The following FANCA variants were observed in gnomAD, a reference collection of about 807,000 sequenced individuals.
The protein encoded by FANCA is FA complementation group A, also known as Fanconi anemia group A protein.
A neutral mutation model predicts 194.3 loss-of-function variants in FANCA; 236 were observed. The observed-to-expected ratio is 1.21, with a 90% confidence interval of 1.09 to 1.35. The LOEUF (loss-of-function observed/expected upper bound fraction) is 1.35, where lower values mean the gene tolerates loss of function less well. Ranked by LOEUF, FANCA falls within the 40% of genes most tolerant of loss-of-function variation. FANCA has a pLI of 0.00. For synonymous variants in FANCA, 1,014 were observed against 715.8 expected (o/e 1.42, Z -6.65); for missense variants, 2,628 against 1,813.9 (o/e 1.45, Z -8.15).
At chr16:89,782,181 C>CG (rs2039738011) in intron 17 of FANCA, among the ~76,000 whole-genome samples, 1 of 151,520 alleles carries the variant, frequency 6.6e-6, no homozygotes, top group Non-Finnish European at 1.5e-5. Context: ...CGAGATCATC[C>CG]TGGCTAACAC....
At chr16:89,755,940 C>CG (rs1213986151) in intron 30 of FANCA, among the ~76,000 whole-genome samples, 1 of 151,880 alleles carries the variant, frequency 6.6e-6, no homozygotes, top group Admixed American at 6.6e-5. Context: ...AGACCAGAGC[C>CG]CCCGCACACC....
intron 17 of FANCA, among the ~76,000 whole-genome samples, chr16:89,782,191 C>T (rs1372002146): frequency 2.0e-5 from 3 of 147,680 alleles, no homozygotes; most frequent in African/African-American, 7.5e-5. Flanking sequence ...CTGGCTAACA[C>T]GGTGAAACCT....
At chr16:89,759,968 G>A (rs2038896897) in intron 29 of FANCA, among the ~76,000 whole-genome samples, 1 of 151,518 alleles carries the variant, frequency 6.6e-6, no homozygotes, top group African/African-American at 2.4e-5. Flanking sequence ...CGGGACCGGG[G>A]TGCTCCACCC....
chr16:89,766,723 A>C (rs2039140908), intron 27 of FANCA, among the ~76,000 whole-genome samples: 1 of 152,156 alleles, frequency 6.6e-6, no homozygotes, highest in Non-Finnish European at 1.5e-5. Context: ...TCAAAAAAAA[A>C]AAAAAATTCC....
At chr16:89,741,426 T>C (rs960496577) in intron 37 of FANCA, among the ~76,000 whole-genome samples, 3 of 152,244 alleles carry the variant, frequency 2.0e-5, no homozygotes, top group African/African-American at 7.2e-5. Context: ...CGATCCAGCT[T>C]TGAGCTGGTG....
At chr16:89,775,507 G>T (rs1234096571) in intron 21 of FANCA, among the ~76,000 whole-genome samples, 1 of 152,230 alleles carries the variant, frequency 6.6e-6, no homozygotes, top group East Asian at 1.9e-4. Context: ...GCTGTGCACT[G>T]CACACACTCC....
intron 31 of FANCA, among the ~76,000 whole-genome samples, chr16:89,750,201 G>C (rs777670700): frequency 1.3e-5 from 2 of 152,204 alleles, no homozygotes; most frequent in Admixed American, 1.3e-4. Flanking sequence ...AGAAAAAACA[G>C]CTGGGCGTGG....
At chr16:89,764,866 G>A in intron 28 of FANCA, 24 bp downstream of exon 28, 1 of 1,611,252 alleles carries the variant, frequency 6.2e-7, no homozygotes. Context: ...GTGGCATGAT[G>A]CAGGAGAAGG....
intron 5 of FANCA, 78 bp from the exon 6 acceptor site, chr16:89,808,445 C>CAA (rs2040749973): frequency 7.0e-7 from 1 of 1,437,348 alleles, no homozygotes. Context: ...AATGCATTTT[C>CAA]CTACAAAATG....
chr16:89,803,441 G>A, intron 7 of FANCA, 100 bp from the exon 8 acceptor site: 1 of 1,108,884 alleles, frequency 9.0e-7, no homozygotes, highest in South Asian at 1.2e-5. Context: ...GTGAGCATAT[G>A]GCTTGGGCCC....
chr16:89,750,947 C>T lies in FANCA; in HGVS notation c.3067-1045G>A, dbSNP rs140885421. 2.0e-4 allele frequency among the ~76,000 whole-genome samples: 30 copies of T among 152,246 alleles called. No homozygotes were observed. In the East Asian group the frequency reaches 5.4e-3, roughly 27 times the overall value. On this transcript the variant is annotated intron_variant, in intron 31 of 42. Coordinates refer to ENST00000389301, the MANE Select transcript of FANCA (RefSeq NM_000135.4). ...CAGTCCGGTTGCCCAGGCTGGAGTGCGGCAGTGCAGTCTTGGCTTATGGCA... is the reference window on the plus strand; with the variant it reads ...CAGTCCGGTTGCCCAGGCTGGAGTGTGGCAGTGCAGTCTTGGCTTATGGCA...
At chr16:89,770,867 G>A (rs550533087) in intron 23 of FANCA, among the ~76,000 whole-genome samples, 1 of 152,158 alleles carries the variant, frequency 6.6e-6, no homozygotes, top group South Asian at 2.1e-4. Flanking sequence ...TACAGCAGCA[G>A]GCGGGACTGG....
At chr16:89,761,878 G>T in intron 29 of FANCA, 71 bp downstream of exon 29, 1 of 1,235,422 alleles carries the variant, frequency 8.1e-7, no homozygotes, top group Non-Finnish European at 1.2e-6. Flanking sequence ...TCCTGCCTCA[G>T]CCTCCCAAAG....
chr16:89,808,790 C>A (rs2040762748), intron 5 of FANCA, among the ~76,000 whole-genome samples: 1 of 152,168 alleles, frequency 6.6e-6, no homozygotes, highest in African/African-American at 2.4e-5. Flanking sequence ...CTTTCTCACT[C>A]AACCCTCTCC....
At chr16:89,805,773 C>T (rs1052660699) in intron 6 of FANCA, among the ~76,000 whole-genome samples, 1 of 102,496 alleles carries the variant, frequency 9.8e-6, no homozygotes, top group Non-Finnish European at 1.8e-5. Context: ...TTCTTTGACT[C>T]ATTATGTTAA....
intron 28 of FANCA, 112 bp from the exon 29 acceptor site, chr16:89,762,134 T>C (rs2038973423): frequency 2.4e-6 from 2 of 839,006 alleles, no homozygotes; most frequent in Admixed American, 1.8e-5. Context: ...CATGTCCCTG[T>C]GTTATAATGA....
chr16:89,802,797 A>G (rs1287876389), intron 8 of FANCA, among the ~76,000 whole-genome samples: 1 of 152,190 alleles, frequency 6.6e-6, no homozygotes, highest in East Asian at 1.9e-4. Context: ...CCAGGCACAG[A>G]AGGACAAATA....
chr16:89,814,679 A>C, intron 2 of FANCA, 66 bp from the exon 3 acceptor site: 150 of 1,166,956 alleles, frequency 1.3e-4, no homozygotes, highest in Non-Finnish European at 1.7e-4. Context: ...GTAGTGGCTC[A>C]CGCCTGTAAT....
intron 20 of FANCA, 144 bp downstream of exon 20, chr16:89,778,657 A>AT: frequency 1.7e-6 from 1 of 579,108 alleles, no homozygotes; most frequent in Non-Finnish European, 2.9e-6. Flanking sequence ...AAAAAAAAAA[A>AT]GTAACCAACC....
Sources: allele counts gnomAD v4.1 joint callset (sites outside exome capture counted in the v4.1 genomes callset), GRCh38; gene constraint gnomAD v4.1.1; transcripts MANE v1.5; gene names NCBI Gene and HGNC (gene_info 2026-07-23, HGNC 2026-07-21).